Variants in ZZEF1 observed in about 807,000 individuals in gnomAD.
ZZEF1 encodes zinc finger ZZ-type and EF-hand domain containing 1.
ZZEF1 carries 157 observed loss-of-function variants against 342.8 expected under a neutral mutation model. The ratio of observed to expected loss-of-function variants is 0.46; its 90% CI spans 0.40 to 0.52. The LOEUF is 0.52. ZZEF1 is among the 20% of genes least tolerant of loss of function. ZZEF1 has a pLI of 0.00. For synonymous variants in ZZEF1, 1,505 were observed against 1,429.1 expected (o/e 1.05, Z -1.20); for missense variants, 3,480 against 3,725.6 (o/e 0.93, Z 1.72).
In ZZEF1 at chr17:4,112,991, T is replaced by G. The variant is rs201472043; in HGVS notation, c.867-183A>C. Among the ~76,000 whole-genome samples, 8 of 152,314 alleles carry G rather than the reference T, an allele frequency of 5.3e-5. No individual in the cohort carries two copies. In the East Asian group the frequency reaches 1.5e-3, roughly 29 times the overall value. On this transcript the variant is annotated intron_variant, in intron 4 of 54. Transcript: ENST00000381638. ...CTTCTGACCTTGACCTTCCCACATT[T>G]TTTAAAGACCTTTCAGTTCAAGATT...
chr17:4,018,837 C>G (rs984211384), intron 46 of ZZEF1, among the ~76,000 whole-genome samples: 2 of 151,920 alleles, frequency 1.3e-5, no homozygotes, highest in African/African-American at 4.9e-5. Flanking sequence ...GGTGCACTCC[C>G]TTCTCCACCT....
intron 5 of ZZEF1, 134 bp downstream of exon 5, chr17:4,112,475 G>T (rs2058329536): frequency 3.2e-6 from 3 of 930,044 alleles, no homozygotes; most frequent in Non-Finnish European, 5.0e-6. Context: ...AACACTTAAT[G>T]AATGAAATAA....
At chr17:4,049,390 C>G (rs1471138673) in intron 37 of ZZEF1, among the ~76,000 whole-genome samples, 1 of 152,028 alleles carries the variant, frequency 6.6e-6, no homozygotes, top group Non-Finnish European at 1.5e-5. Context: ...CACATGCCTG[C>G]GGCCCCAGGT....
At position 4,016,072 on chromosome 17, in the gene ZZEF1, G is replaced by A. The variant is rs1206052697; in HGVS notation, c.8145+251C>T. ...GCAGGGAAAGTAAAGCTCTCCTCCA[G>A]GGCTAGGTGGCCCATTTTCTTCTAT... On this transcript the variant is annotated intron_variant, in intron 49 of 54. Coordinates refer to ENST00000381638, the MANE Select transcript of ZZEF1 (RefSeq NM_015113.4). This position sits in a 1 kb window ranked among gnomAD's most constrained non-coding sequence, Gnocchi z 4.4. 6.6e-6 allele frequency among the ~76,000 whole-genome samples: 1 copy of A among 152,236 alleles called. No individual in the cohort carries two copies. Among genetic ancestry groups the A allele is most frequent in the East Asian group, 1.9e-4 (1 of 5,196 alleles).
At chr17:4,027,951 T>C (rs142168061) in intron 42 of ZZEF1, among the ~76,000 whole-genome samples, 71 of 152,290 alleles carry the variant, frequency 4.7e-4, no homozygotes, top group East Asian at 4.0e-3. Flanking sequence ...CTCAGAGTGC[T>C]GGGTTATTTT....
intron 1 of ZZEF1, among the ~76,000 whole-genome samples, chr17:4,129,731 G>T (rs2058633973): frequency 6.6e-6 from 1 of 152,122 alleles, no homozygotes; most frequent in African/African-American, 2.4e-5. Flanking sequence ...CAGCTACTCG[G>T]GAGGCTGAGG....
At chr17:4,132,033 G>A (rs186186522) in intron 1 of ZZEF1, among the ~76,000 whole-genome samples, 13 of 152,194 alleles carry the variant, frequency 8.5e-5, no homozygotes, top group East Asian at 5.8e-4. Flanking sequence ...ATATTACTTG[G>A]TAATACAGCG....
At chr17:4,015,480 G>T (rs776108245) in intron 49 of ZZEF1, among the ~76,000 whole-genome samples, 2 of 152,222 alleles carry the variant, frequency 1.3e-5, no homozygotes, top group Non-Finnish European at 2.9e-5. Flanking sequence ...AAGCGCTAAT[G>T]GGGGCCAGGT....
chr17:4,142,251 T>C (rs533246514), intron 1 of ZZEF1, among the ~76,000 whole-genome samples: 69 of 58,112 alleles, frequency 1.2e-3, no homozygotes, highest in Non-Finnish European at 3.2e-3. Flanking sequence ...TTCGAGAATC[T>C]GATAGAAGAT....
At chr17:4,043,681 A>C (rs1278636325) in intron 38 of ZZEF1, among the ~76,000 whole-genome samples, 2 of 152,194 alleles carry the variant, frequency 1.3e-5, no homozygotes, top group Admixed American at 1.3e-4. Context: ...ACACCTGCCA[A>C]GAGGGACTTC....
chr17:4,026,224 C>T (rs749577728), intron 42 of ZZEF1, among the ~76,000 whole-genome samples: 4 of 152,010 alleles, frequency 2.6e-5, no homozygotes, highest in Non-Finnish European at 5.9e-5. Flanking sequence ...GTCTTTCCAA[C>T]AGTGAGAGTG....
At chr17:4,039,465 A>G (rs1417722987) in intron 39 of ZZEF1, among the ~76,000 whole-genome samples, 1 of 141,768 alleles carries the variant, frequency 7.1e-6, no homozygotes, top group Non-Finnish European at 1.5e-5. Context: ...GTGAGACACC[A>G]TCTCAAACAA....
intron 1 of ZZEF1, among the ~76,000 whole-genome samples, chr17:4,135,653 C>A (rs1441278866): frequency 6.6e-6 from 1 of 152,170 alleles, no homozygotes; most frequent in African/African-American, 2.4e-5. Flanking sequence ...AAGTTACCAT[C>A]CCTGGGGCCA....
At chr17:4,044,155 C>T in intron 38 of ZZEF1, 69 bp downstream of exon 38, 2 of 1,549,062 alleles carry the variant, frequency 1.3e-6, no homozygotes, top group Non-Finnish European at 1.8e-6. Flanking sequence ...GTGCCACAAA[C>T]AGCTCAGGGA....
chr17:4,020,721 T>C (rs2056246704), intron 45 of ZZEF1, among the ~76,000 whole-genome samples: 1 of 152,226 alleles, frequency 6.6e-6, no homozygotes. Context: ...CCCTCATCCT[T>C]TTCATATTGT....
chr17:4,008,644 G>A lies in ZZEF1; in HGVS notation c.8805+239C>T. 3 of 1,229,954 alleles carry A rather than the reference G, an allele frequency of 2.4e-6. No homozygotes were observed. The highest frequency in any genetic ancestry group is 3.2e-5 in the South Asian group (1 of 31,320). 76.2% of individuals were successfully genotyped at this position (1,229,954 alleles called of 1,614,324 possible). ...CTAAATTTAAGGCATCGGTTGTTTTGGTTTTAAAGACACAAATTCTTCTGA... is the reference window on the plus strand; with the variant it reads ...CTAAATTTAAGGCATCGGTTGTTTTAGTTTTAAAGACACAAATTCTTCTGA... On this transcript the variant is annotated intron_variant, in intron 54 of 54. Transcript: ENST00000381638. The surrounding 1 kb of genome is among the most constrained non-coding windows in gnomAD (Gnocchi z 4.2).
chr17:4,004,941 G>T lies in ZZEF1; in HGVS notation c.*1949C>A, dbSNP rs2055771387. 1 of 152,352 alleles carries T rather than the reference G, an allele frequency of 6.6e-6. No homozygotes were observed. 9.4% of individuals were successfully genotyped at this position (152,352 alleles called of 1,614,324 possible). A position where few individuals can be genotyped will look rare whatever the true frequency, so the allele number is the denominator to read the frequency against. ...AGTGGGCGGACAGGTGCTCTGGGGA[G>T]CCCAGCGTTTATTTACAGCTGATCT... On this transcript the variant is annotated 3_prime_UTR_variant, in exon 55 of 55. Transcript: ENST00000381638.
intron 24 of ZZEF1, among the ~76,000 whole-genome samples, chr17:4,073,933 A>G (rs1387934833): frequency 6.6e-6 from 1 of 152,222 alleles, no homozygotes; most frequent in Non-Finnish European, 1.5e-5. Flanking sequence ...TAGACAGAGA[A>G]CCCATGGCAG....
chr17:4,044,698 T>C (rs2056875368), intron 37 of ZZEF1, among the ~76,000 whole-genome samples: 1 of 151,912 alleles, frequency 6.6e-6, no homozygotes, highest in African/African-American at 2.4e-5. Flanking sequence ...TTTGTATTTT[T>C]AGTAGAGACA....
Sources: gnomAD v4.1 joint callset for allele counts (sites outside exome capture counted in the v4.1 genomes callset) on GRCh38, gnomAD v4.1.1 for gene constraint, Gnocchi (gnomAD v3.1) non-coding constraint, MANE v1.5 for transcripts, NCBI Gene and HGNC (gene_info 2026-07-23, HGNC 2026-07-21) for gene names.